Variants in EYS observed in about 807,000 individuals in gnomAD.
The protein encoded by EYS is EGF-like photoreceptor maintenance factor, also known as protein eyes shut homolog.
EYS carries 250 observed loss-of-function variants against 282.1 expected under a neutral mutation model. The ratio of observed to expected loss-of-function variants is 0.89; its 90% confidence interval spans 0.80 to 0.98. The LOEUF is 0.98. EYS is among the 50% of genes least tolerant of loss of function. EYS has a pLI of 0.00. For missense variants in EYS, 4,016 were observed against 3,709.0 expected, an observed-to-expected ratio of 1.08 and a Z score of -2.15; for synonymous variants, 1,355 against 1,282.9, an observed-to-expected ratio of 1.06 and a Z score of -1.20.
intron 12 of EYS, among the ~76,000 whole-genome samples, chr6:65,127,363 A>G (rs1775749190): frequency 6.6e-6 from 1 of 152,154 alleles, no homozygotes; most frequent in South Asian, 2.1e-4. Flanking sequence ...CCCACCTTTA[A>G]TCAACGTAAC....
Position 64,241,437 on chromosome 6 carries a change from G to C in EYS, c.6192-10613C>G, listed in dbSNP as rs550741373. 3.9e-5 allele frequency among the ~76,000 whole-genome samples: 6 copies of C among 152,122 alleles called. No homozygotes were observed. In the East Asian group the frequency reaches 9.7e-4, roughly 25 times the overall value. ...AATTTCCAATATTCGACTATTCAGGGATTTGACTTCTTCCTAGTTTAGTCT... is the reference window on the plus strand; with the variant it reads ...AATTTCCAATATTCGACTATTCAGGCATTTGACTTCTTCCTAGTTTAGTCT... On this transcript the variant is annotated intron_variant, in intron 30 of 42. Coordinates refer to ENST00000503581, the MANE Select transcript of EYS (RefSeq NM_001142800.2).
chr6:64,681,307 G>T (rs116134106), intron 22 of EYS, among the ~76,000 whole-genome samples: 1 of 152,114 alleles, frequency 6.6e-6, no homozygotes, highest in Non-Finnish European at 1.5e-5. Context: ...TTGCTTGAGG[G>T]TAATTTCTGG....
At chr6:64,086,056 C>A (rs149062831) in intron 31 of EYS, among the ~76,000 whole-genome samples, 60 of 152,294 alleles carry the variant, frequency 3.9e-4, no homozygotes, top group African/African-American at 1.4e-3. Context: ...TTTCTTCAAC[C>A]ACTTTATAAC....
In EYS at chr6:64,829,579, T is replaced by C. The variant is rs545358304; in HGVS notation, c.2993-6757A>G. On this transcript the variant is annotated intron_variant, in intron 19 of 42. Coordinates refer to ENST00000503581, the MANE Select transcript of EYS (RefSeq NM_001142800.2). The stretch of plus-strand genomic sequence containing the variant: ...GAAGCCACTTTACAACAAAGCATAG[T>C]AGCAATCAGATAACGATAGATCTGT... Among the ~76,000 whole-genome samples the C allele has an allele frequency of 2.0e-5, 3 of 152,084 alleles. No homozygotes were observed. The South Asian group carries it at 6.2e-4, about 31-fold the overall frequency.
chr6:65,379,616 G>A (rs938995985), intron 8 of EYS, among the ~76,000 whole-genome samples: 1 of 151,980 alleles, frequency 6.6e-6, no homozygotes, highest in Admixed American at 6.6e-5. Context: ...GTTCTGGCTA[G>A]AGCAATCAAG....
chr6:64,789,884 GATAT>G (rs56097288), intron 22 of EYS, among the ~76,000 whole-genome samples: 8,734 of 148,620 alleles, frequency 0.059, 251 homozygotes, highest in East Asian at 0.073. Context: ...AAAGTTGTAT[GATAT>G]ATATATATAT....
chr6:64,372,600 T>C lies in EYS; in HGVS notation c.6078+16090A>G, dbSNP rs1486222049. On this transcript the variant is annotated intron_variant, in intron 29 of 42. Coordinates refer to ENST00000503581, the MANE Select transcript of EYS (RefSeq NM_001142800.2). ...TTGAATGTTGACCTCTCTAGTAAGGTTGGGGAAATTTTCATGGATGATATC... is the reference window on the plus strand; with the variant it reads ...TTGAATGTTGACCTCTCTAGTAAGGCTGGGGAAATTTTCATGGATGATATC... Among the ~76,000 whole-genome samples, 3 of 152,154 alleles carry C rather than the reference T, an allele frequency of 2.0e-5. 1 individual carries two copies. The South Asian group carries it at 6.2e-4, about 31-fold the overall frequency.
intron 12 of EYS, among the ~76,000 whole-genome samples, chr6:65,165,157 T>A (rs1024058114): frequency 2.6e-5 from 4 of 151,284 alleles, no homozygotes; most frequent in African/African-American, 9.7e-5. Flanking sequence ...TTCATGCAAG[T>A]ATGTCAAAAT....
chr6:65,365,813 C>T (rs1582193190), intron 8 of EYS, among the ~76,000 whole-genome samples: 1 of 151,634 alleles, frequency 6.6e-6, no homozygotes, highest in East Asian at 1.9e-4. Flanking sequence ...TCTTGTAATA[C>T]CCGTGATTAC....
intron 5 of EYS, among the ~76,000 whole-genome samples, chr6:65,418,412 A>T (rs188807410): frequency 1.3e-5 from 2 of 152,208 alleles, no homozygotes; most frequent in East Asian, 3.9e-4. Context: ...CTATAAGGAC[A>T]CATGCACACA....
chr6:64,411,533 T>C (rs995343749), intron 28 of EYS, among the ~76,000 whole-genome samples: 1 of 152,006 alleles, frequency 6.6e-6, no homozygotes, highest in Non-Finnish European at 1.5e-5. Context: ...TTTATAAAAG[T>C]CACAAAGCAG....
At chr6:64,178,721 C>T (rs753782886) in intron 31 of EYS, among the ~76,000 whole-genome samples, 7 of 151,936 alleles carry the variant, frequency 4.6e-5, no homozygotes, top group Non-Finnish European at 1.0e-4. Flanking sequence ...TTAAAAAGCA[C>T]TTTAAACGCA....
chr6:63,959,383 G>C (rs568029835), intron 35 of EYS, among the ~76,000 whole-genome samples: 1 of 152,308 alleles, frequency 6.6e-6, no homozygotes, highest in South Asian at 2.1e-4. Context: ...TGAGGCTGTG[G>C]AAAAATAGGA....
intron 12 of EYS, among the ~76,000 whole-genome samples, chr6:65,195,256 T>C (rs1001999476): frequency 1.3e-5 from 2 of 151,950 alleles, no homozygotes; most frequent in African/African-American, 4.8e-5. Flanking sequence ...ATTAGTAGAG[T>C]TGTTTTTACA....
chr6:65,019,106 A>G (rs1164151086), intron 13 of EYS, among the ~76,000 whole-genome samples: 4 of 152,120 alleles, frequency 2.6e-5, no homozygotes, highest in African/African-American at 9.7e-5. Flanking sequence ...CTTGGATTTT[A>G]TTTTTGGGTA....
intron 19 of EYS, among the ~76,000 whole-genome samples, chr6:64,838,605 T>C (rs964443855): frequency 2.3e-5 from 3 of 132,736 alleles, no homozygotes; most frequent in African/African-American, 8.4e-5. Context: ...TCTTCCTCTC[T>C]TTCTGTTTCT....
intron 29 of EYS, among the ~76,000 whole-genome samples, chr6:64,371,925 C>A (rs527576840): frequency 3.3e-5 from 5 of 152,166 alleles, no homozygotes; most frequent in Admixed American, 6.5e-5. Flanking sequence ...TGAGATTGGT[C>A]TCCTGAAGAC....
chr6:64,294,846 T>C (rs1768853060), intron 30 of EYS, among the ~76,000 whole-genome samples: 1 of 152,156 alleles, frequency 6.6e-6, no homozygotes, highest in African/African-American at 2.4e-5. Flanking sequence ...CAAATATAAG[T>C]TATGAATTAC....
chr6:65,579,838 C>G (rs1426543590), intron 2 of EYS, among the ~76,000 whole-genome samples: 1 of 151,962 alleles, frequency 6.6e-6, no homozygotes, highest in African/African-American at 2.4e-5. Context: ...AACCTTGTCT[C>G]CAGGGAGATA....
Sources: allele counts gnomAD v4.1 joint callset (sites outside exome capture counted in the v4.1 genomes callset), GRCh38; gene constraint gnomAD v4.1.1; transcripts MANE v1.5; gene names NCBI Gene and HGNC (gene_info 2026-07-23, HGNC 2026-07-21).